The following BABAM2 variants were observed in gnomAD, a reference collection of about 807,000 sequenced individuals.
BABAM2 encodes the protein BRISC and BRCA1 A complex member 2.
A neutral mutation model predicts 54.7 loss-of-function variants in BABAM2; 31 were observed. The observed-to-expected ratio is 0.57, with a 90% CI of 0.43 to 0.77. BABAM2 has a LOEUF of 0.77. Among genes scored for constraint, BABAM2 ranks in the 30% least tolerant of loss-of-function variants. The pLI, the probability that BABAM2 is intolerant of heterozygous loss-of-function variation, is 0.00. For synonymous variants in BABAM2, 167 were observed against 162.9 expected, an observed-to-expected ratio of 1.03 and a Z score of -0.19; for missense variants, 364 against 455.8, an observed-to-expected ratio of 0.80 and a Z score of 1.83.
chr2:28,016,266 G>T, intron 4 of BABAM2: 1 of 911,366 alleles, frequency 1.1e-6, no homozygotes, highest in Non-Finnish European at 1.8e-6. Flanking sequence ...TGTTTTTCTA[G>T]TTCTTTCTTC....
At chr2:28,004,527 A>C (rs1467814525) in intron 4 of BABAM2, among the ~76,000 whole-genome samples, 1 of 152,214 alleles carries the variant, frequency 6.6e-6, no homozygotes, top group African/African-American at 2.4e-5. Flanking sequence ...AGAATTTTCA[A>C]AAGAAGGACA....
intron 7 of BABAM2, among the ~76,000 whole-genome samples, chr2:28,165,649 C>T (rs529157741): frequency 4.0e-5 from 6 of 150,880 alleles, no homozygotes; most frequent in Non-Finnish European, 8.8e-5. Context: ...ATTCTCCTGC[C>T]TCAGCCTCCT....
chr2:28,169,166 T>C (rs1409486875), intron 7 of BABAM2, among the ~76,000 whole-genome samples: 1 of 152,220 alleles, frequency 6.6e-6, no homozygotes, highest in Non-Finnish European at 1.5e-5. Flanking sequence ...TGGAGATTTA[T>C]TTCAAGCTGT....
chr2:28,075,530 C>T (rs201101623), intron 6 of BABAM2, among the ~76,000 whole-genome samples: 27 of 135,982 alleles, frequency 2.0e-4, no homozygotes, highest in Admixed American at 4.8e-4. Context: ...TCACGTTTTT[C>T]TCTCTCTCTC....
At chr2:28,315,033 A>T (rs951092329) in intron 11 of BABAM2, among the ~76,000 whole-genome samples, 54 of 75,818 alleles carry the variant, frequency 7.1e-4, no homozygotes, top group African/African-American at 2.3e-3. Flanking sequence ...GGAGAGAGAG[A>T]GAAGAAAGAA....
chr2:28,262,884 G>A (rs962520620), intron 10 of BABAM2, among the ~76,000 whole-genome samples: 4 of 152,142 alleles, frequency 2.6e-5, no homozygotes, highest in African/African-American at 9.7e-5. Flanking sequence ...CACTGGACAG[G>A]AAGTGGCTTG....
chr2:28,234,948 A>G (rs984280650), intron 7 of BABAM2, among the ~76,000 whole-genome samples: 13 of 152,252 alleles, frequency 8.5e-5, no homozygotes, highest in African/African-American at 3.1e-4. Flanking sequence ...GCAAAAGGAA[A>G]TGATGGCCTT....
At chr2:28,089,743 T>C (rs559105741) in intron 6 of BABAM2, among the ~76,000 whole-genome samples, 62 of 152,322 alleles carry the variant, frequency 4.1e-4, no homozygotes, top group African/African-American at 1.4e-3. Context: ...TTCCACTAGT[T>C]ACATAATGGC....
intron 2 of BABAM2, among the ~76,000 whole-genome samples, chr2:27,911,584 T>C (rs2148305836): frequency 6.6e-6 from 1 of 152,088 alleles, no homozygotes; most frequent in East Asian, 1.9e-4. Context: ...AATGAGATAC[T>C]GAAACTAAAT....
intron 10 of BABAM2, among the ~76,000 whole-genome samples, chr2:28,263,969 G>A (rs1684759909): frequency 6.6e-6 from 1 of 152,166 alleles, no homozygotes; most frequent in Non-Finnish European, 1.5e-5. Context: ...GAAGATAATT[G>A]CCAAAAGGAA....
At chr2:27,947,535 T>G (rs1027090675) in intron 3 of BABAM2, among the ~76,000 whole-genome samples, 1 of 152,290 alleles carries the variant, frequency 6.6e-6, no homozygotes, top group Admixed American at 6.5e-5. Context: ...TTCAAACCTT[T>G]TGCCTTTTTA....
At chr2:28,168,306 A>G (rs926900930) in intron 7 of BABAM2, among the ~76,000 whole-genome samples, 3 of 152,236 alleles carry the variant, frequency 2.0e-5, no homozygotes, top group African/African-American at 7.2e-5. Flanking sequence ...TCCAAATTGA[A>G]TAATTCAGCC....
At chr2:28,112,159 C>CTTTT (rs1668143895) in intron 6 of BABAM2, among the ~76,000 whole-genome samples, 1 of 7,822 alleles carries the variant, frequency 1.3e-4, no homozygotes, top group African/African-American at 3.6e-4. Flanking sequence ...ACCTCCCTCC[C>CTTTT]TCCCTCCCTC....
Position 28,029,254 on chromosome 2 carries a change from A to G in BABAM2, c.495+3834A>G, listed in dbSNP as rs539467783. 3.9e-5 allele frequency among the ~76,000 whole-genome samples: 6 copies of G among 152,286 alleles called. No individual in the cohort carries two copies. The South Asian group carries it at 1.2e-3, about 32-fold the overall frequency. On this transcript the variant is annotated intron_variant, in intron 5 of 11. Coordinates refer to ENST00000379624, the MANE Select transcript of BABAM2 (RefSeq NM_199191.3). ...ACATAACACTACATTTGCCGTCTTT[A>G]CTATTTTTAAGTGTGCAGTTCAGTA...
intron 6 of BABAM2, among the ~76,000 whole-genome samples, chr2:28,089,889 G>T (rs6724780): frequency 0.33 from 12,295 of 37,686 alleles, 1,663 homozygotes; most frequent in African/African-American, 0.44. Flanking sequence ...AAACTCTGTG[G>T]TATTTTTTTT....
intron 1 of BABAM2, among the ~76,000 whole-genome samples, chr2:27,892,636 ATT>A (rs1664955613): frequency 6.6e-6 from 1 of 152,210 alleles, no homozygotes; most frequent in Non-Finnish European, 1.5e-5. Flanking sequence ...AATTACCCAT[ATT>A]ATCTGCAAAC....
intron 6 of BABAM2, among the ~76,000 whole-genome samples, chr2:28,046,421 C>G (rs1677580708): frequency 6.6e-6 from 1 of 152,142 alleles, no homozygotes; most frequent in Non-Finnish European, 1.5e-5. Flanking sequence ...GATCGAGCCA[C>G]TGCACTCCAG....
At chr2:28,036,469 C>A (rs1228138165) in intron 5 of BABAM2, among the ~76,000 whole-genome samples, 10 of 152,156 alleles carry the variant, frequency 6.6e-5, no homozygotes, top group African/African-American at 2.4e-4. Flanking sequence ...CTAAGCCAAA[C>A]AGAATTCTTC....
At chr2:28,003,363 C>T (rs1032168200) in intron 4 of BABAM2, among the ~76,000 whole-genome samples, 1 of 152,054 alleles carries the variant, frequency 6.6e-6, no homozygotes, top group Non-Finnish European at 1.5e-5. Context: ...TGGGGTAGAA[C>T]CTGGGCATCA....
Sources: gnomAD v4.1 joint callset for allele counts (sites outside exome capture counted in the v4.1 genomes callset) on GRCh38, gnomAD v4.1.1 for gene constraint, MANE v1.5 for transcripts, NCBI Gene and HGNC (gene_info 2026-07-23, HGNC 2026-07-21) for gene names.